The following SLC16A10 variants were observed in gnomAD, a reference collection of about 807,000 sequenced individuals.
SLC16A10 encodes solute carrier family 16 member 10.
Under a neutral mutation model 40.0 loss-of-function variants are expected in SLC16A10, and 27 were observed. The observed-to-expected ratio is 0.67, with a 90% CI of 0.50 to 0.93. The LOEUF (loss-of-function observed/expected upper bound fraction) is 0.93. Among genes scored for constraint, SLC16A10 ranks in the 40% least tolerant of loss-of-function variants. The probability of loss-of-function intolerance (pLI) is 0.00; values close to 1 mark genes in which losing one functional copy is unlikely to be tolerated. For missense variants in SLC16A10, 529 were observed against 658.2 expected (o/e 0.80, Z 2.15); for synonymous variants, 213 against 249.8 (o/e 0.85, Z 1.39).
intron 1 of SLC16A10, among the ~76,000 whole-genome samples, chr6:111,139,509 C>A: frequency 6.6e-6 from 1 of 152,150 alleles, no homozygotes; most frequent in East Asian, 1.9e-4. Context: ...ATCATGTTGG[C>A]CAGGATGGTC....
chr6:111,153,189 G>C (rs1477365276), intron 1 of SLC16A10, among the ~76,000 whole-genome samples: 1 of 152,222 alleles, frequency 6.6e-6, no homozygotes, highest in Admixed American at 6.5e-5. Context: ...TTATTAAATT[G>C]TTCTCCCATC....
At chr6:111,160,288 G>A (rs1772346557) in intron 1 of SLC16A10, among the ~76,000 whole-genome samples, 2 of 152,186 alleles carry the variant, frequency 1.3e-5, no homozygotes, top group Admixed American at 1.3e-4. Context: ...GCCCAGGCTG[G>A]AGTGCAGTAG....
At chr6:111,157,901 C>T (rs1286803261) in intron 1 of SLC16A10, among the ~76,000 whole-genome samples, 5 of 147,084 alleles carry the variant, frequency 3.4e-5, no homozygotes, top group South Asian at 2.1e-4. Flanking sequence ...ATGCTATATC[C>T]GACTAAAAAA....
intron 1 of SLC16A10, among the ~76,000 whole-genome samples, chr6:111,102,895 C>T (rs892099402): frequency 2.0e-5 from 3 of 151,940 alleles, no homozygotes; most frequent in African/African-American, 7.3e-5. Context: ...ATTTTGTTTG[C>T]ATGTATTTAT....
chr6:111,091,330 C>G (rs1315955683), intron 1 of SLC16A10: 1 of 152,098 alleles, frequency 6.6e-6, no homozygotes, highest in African/African-American at 2.4e-5. Flanking sequence ...GAAGCAAGCA[C>G]CAGGAGCTGG....
In SLC16A10 at chr6:111,224,893, C is replaced by T. The variant is rs533598005; in HGVS notation, c.*2658C>T. 3.9e-5 allele frequency: 6 copies of T among 152,276 alleles called. No individual in the cohort carries two copies. The highest frequency in any genetic ancestry group is 1.4e-4 in the African/African-American group (6 of 41,564). 9.4% of individuals were successfully genotyped at this position (152,276 alleles called of 1,614,324 possible). On this transcript the variant is annotated 3_prime_UTR_variant, in exon 6 of 6. Coordinates refer to ENST00000368851, the MANE Select transcript of SLC16A10 (RefSeq NM_018593.5). ...CTTTTCTGAGAGTCTGAAAAGAATA[C>T]AGAGTCAGAACTCTGTTTTTATCTC...
intron 4 of SLC16A10, among the ~76,000 whole-genome samples, chr6:111,207,288 G>T (rs1481747820): frequency 1.3e-5 from 2 of 152,196 alleles, no homozygotes; most frequent in African/African-American, 2.4e-5. Flanking sequence ...TTTCTATGAA[G>T]AATGTTTTTT....
At chr6:111,090,054 T>C (rs1209389059) in intron 1 of SLC16A10, among the ~76,000 whole-genome samples, 1 of 151,234 alleles carries the variant, frequency 6.6e-6, no homozygotes, top group African/African-American at 2.4e-5. Context: ...TCTAATTGGC[T>C]ACACAATATC....
At chr6:111,193,181 A>T in intron 3 of SLC16A10, 16 of 446,444 alleles carry the variant, frequency 3.6e-5, no homozygotes, top group Non-Finnish European at 4.4e-5. Context: ...AATGATTAAG[A>T]CACCTTCTCT....
intron 1 of SLC16A10, among the ~76,000 whole-genome samples, chr6:111,095,979 C>G (rs1403307203): frequency 6.6e-6 from 1 of 152,140 alleles, no homozygotes; most frequent in African/African-American, 2.4e-5. Context: ...TTTAGAGTAG[C>G]CTTGTGGTAT....
At chr6:111,171,204 A>G (rs1772579727) in intron 1 of SLC16A10, among the ~76,000 whole-genome samples, 1 of 152,150 alleles carries the variant, frequency 6.6e-6, no homozygotes, top group Non-Finnish European at 1.5e-5. Flanking sequence ...TCTTGATTGG[A>G]TTGTGCTAAT....
chr6:111,141,225 T>A (rs1171521374), intron 1 of SLC16A10, among the ~76,000 whole-genome samples: 2 of 152,268 alleles, frequency 1.3e-5, no homozygotes. Context: ...ATTAATTATT[T>A]ACCTTTATTT....
At chr6:111,119,425 A>C (rs905473000) in intron 1 of SLC16A10, among the ~76,000 whole-genome samples, 2 of 152,226 alleles carry the variant, frequency 1.3e-5, no homozygotes, top group Admixed American at 1.3e-4. Context: ...CTAACATTGG[A>C]ATCTTACACA....
intron 3 of SLC16A10, among the ~76,000 whole-genome samples, chr6:111,191,305 T>G (rs1189748595): frequency 6.6e-6 from 1 of 152,186 alleles, no homozygotes; most frequent in Non-Finnish European, 1.5e-5. Flanking sequence ...TTCCTGAGAA[T>G]GATGGTTTCC....
chr6:111,212,812 A>T (rs867669218), intron 4 of SLC16A10, among the ~76,000 whole-genome samples: 6 of 151,992 alleles, frequency 3.9e-5, no homozygotes, highest in Admixed American at 1.3e-4. Flanking sequence ...AAAAAATAAA[A>T]AAAAATGCTG....
At chr6:111,170,380 G>A (rs1009049933) in intron 1 of SLC16A10, among the ~76,000 whole-genome samples, 3 of 152,182 alleles carry the variant, frequency 2.0e-5, no homozygotes, top group Non-Finnish European at 4.4e-5. Flanking sequence ...AATGTTTGCT[G>A]TAAAAAATAA....
intron 3 of SLC16A10, among the ~76,000 whole-genome samples, chr6:111,185,319 G>C (rs906240016): frequency 6.6e-6 from 1 of 152,150 alleles, no homozygotes; most frequent in Admixed American, 6.5e-5. Flanking sequence ...AGAGATAGGA[G>C]TGCTGCTATT....
At chr6:111,200,726 A>G (rs1773154622) in intron 3 of SLC16A10, among the ~76,000 whole-genome samples, 1 of 152,148 alleles carries the variant, frequency 6.6e-6, no homozygotes, top group Non-Finnish European at 1.5e-5. Flanking sequence ...CAGGCTTTCT[A>G]CTCCCTTTCA....
intron 3 of SLC16A10, among the ~76,000 whole-genome samples, chr6:111,197,574 G>A (rs1448755444): frequency 6.6e-6 from 1 of 152,188 alleles, no homozygotes; most frequent in African/African-American, 2.4e-5. Context: ...GTTTTAAGAA[G>A]AAGCTGTATT....
Sources: allele counts gnomAD v4.1 joint callset (sites outside exome capture counted in the v4.1 genomes callset), GRCh38; gene constraint gnomAD v4.1.1; transcripts MANE v1.5; gene names NCBI Gene and HGNC (gene_info 2026-07-23, HGNC 2026-07-21).